KIFC3: variants seen among roughly 807,000 people sequenced by gnomAD.
KIFC3 encodes the protein kinesin-like protein KIFC3.
In KIFC3, 60 loss-of-function variants were observed where a neutral mutation model predicts 101.8. The observed-to-expected ratio is 0.59, with a 90% CI of 0.48 to 0.73. The LOEUF is 0.73. Among genes scored for constraint, KIFC3 ranks in the 30% least tolerant of loss-of-function variants. The pLI is 0.00. For synonymous variants in KIFC3, 476 were observed against 482.7 expected (o/e 0.99, Z 0.18); for missense variants, 966 against 1,137.1 (o/e 0.85, Z 2.16).
At chr16:57,813,619 G>A (rs1555628175) in intron 1 of KIFC3, 6 of 920,296 alleles carry the variant, frequency 6.5e-6, no homozygotes, top group African/African-American at 1.8e-5. Context: ...CATGCCTGCC[G>A]AGTGCCTGCA....
chr16:57,856,047 A>G (rs2056158994), intron 1 of KIFC3, among the ~76,000 whole-genome samples: 1 of 151,916 alleles, frequency 6.6e-6, no homozygotes, highest in African/African-American at 2.4e-5. Flanking sequence ...ATAAGGCTGG[A>G]CGCAGGGGGC....
chr16:57,813,402 C>T (rs971811253), intron 1 of KIFC3, among the ~76,000 whole-genome samples: 1 of 152,004 alleles, frequency 6.6e-6, no homozygotes, highest in Admixed American at 6.6e-5. Context: ...GCCAGAGGAT[C>T]TTGGAGGCAC....
rs534175830 is a variant in KIFC3 at position 57,775,935 on chromosome 16, C to T, written c.316-3647G>A. 3.0e-6 allele frequency: 3 copies of T among 985,572 alleles called. No homozygotes were observed. The East Asian group carries it at 3.4e-4, about 112-fold the overall frequency. The allele number at this position is 985,572 out of a possible 1,614,324, so 61.1% of individuals were successfully genotyped here. A position where few individuals can be genotyped will look rare whatever the true frequency, so the allele number is the denominator to read the frequency against. ...CACGGGCCTGCTGCAGGGGGCGTCA[C>T]CCTGCCTGCTCAAGGGGAAGAGGGA... On this transcript the variant is annotated intron_variant, in intron 3 of 19. Transcript: ENST00000445690.
At chr16:57,759,266 ATCTGGGCTAAACAG>A in intron 18 of KIFC3, 113 bp from the exon 19 acceptor site, 2 of 1,289,522 alleles carry the variant, frequency 1.6e-6, no homozygotes, top group Non-Finnish European at 2.2e-6. Flanking sequence ...CCCTCCCATG[ATCTGGGCTAAACAG>A]GGGCTGGAGC....
intron 6 of KIFC3, 119 bp downstream of exon 6, chr16:57,771,079 G>A: frequency 7.7e-7 from 1 of 1,303,058 alleles, no homozygotes; most frequent in Non-Finnish European, 1.1e-6. Flanking sequence ...GAACTGGAAT[G>A]ATTCTTCCAC....
intron 1 of KIFC3, among the ~76,000 whole-genome samples, chr16:57,844,033 G>A (rs564532967): frequency 2.2e-4 from 34 of 151,886 alleles, no homozygotes; most frequent in African/African-American, 8.0e-4. Flanking sequence ...GCTTGAACTT[G>A]AGAGATGAAG....
intron 1 of KIFC3, among the ~76,000 whole-genome samples, chr16:57,840,598 T>C (rs2055784423): frequency 6.6e-6 from 1 of 151,476 alleles, no homozygotes; most frequent in Non-Finnish European, 1.5e-5. Context: ...CCGTCTCTAC[T>C]AAAAATACAA....
At chr16:57,804,275 G>T (rs540737608), upstream of KIFC3, among the ~76,000 whole-genome samples, 1 of 151,940 alleles carries the variant, frequency 6.6e-6, no homozygotes, top group Non-Finnish European at 1.5e-5. Flanking sequence ...AGCTAACACT[G>T]TGTCAGGCAC....
intron 3 of KIFC3, among the ~76,000 whole-genome samples, chr16:57,786,450 T>C (rs1217583670): frequency 2.0e-5 from 3 of 152,026 alleles, no homozygotes; most frequent in African/African-American, 4.8e-5. Context: ...TACAGCTTGC[T>C]TCCAGGGCGC....
At chr16:57,827,344 A>G (rs1276659572) in intron 1 of KIFC3, among the ~76,000 whole-genome samples, 2 of 152,210 alleles carry the variant, frequency 1.3e-5, no homozygotes, top group African/African-American at 4.8e-5. Flanking sequence ...CCGGCTGCAG[A>G]GACGTGGTGA....
intron 1 of KIFC3, among the ~76,000 whole-genome samples, chr16:57,830,236 C>CTTTTTTTT (rs34842791): frequency 8.4e-6 from 1 of 119,316 alleles, no homozygotes; most frequent in Non-Finnish European, 1.8e-5. Context: ...TTTTTTCTTT[C>CTTTTTTTT]TTTTTTTTTT....
chr16:57,825,379 T>G (rs2055437247), intron 1 of KIFC3, among the ~76,000 whole-genome samples: 1 of 152,180 alleles, frequency 6.6e-6, no homozygotes, highest in South Asian at 2.1e-4. Context: ...GACTTTCGGC[T>G]CCATTCATGA....
chr16:57,804,927 C>T (rs1336856876), upstream of KIFC3, among the ~76,000 whole-genome samples: 4 of 143,558 alleles, frequency 2.8e-5, no homozygotes, highest in Admixed American at 7.0e-5. Context: ...TTTTTTGAGA[C>T]GGGGGCTCGC....
intron 3 of KIFC3, among the ~76,000 whole-genome samples, chr16:57,784,203 G>A (rs1041359580): frequency 2.6e-5 from 4 of 152,232 alleles, no homozygotes; most frequent in Non-Finnish European, 5.9e-5. Context: ...GTACAAAAGG[G>A]GCGTGCACAA....
rs1037446556 is a variant in KIFC3, at chr16:57,798,160, G to A, written c.84C>T (p.Pro28=). The change falls in exon 2 of 20, where the codon CCC becomes CCT. Residue 28 remains proline, a synonymous_variant. Coordinates refer to ENST00000445690, the MANE Select transcript of KIFC3 (RefSeq NM_001130100.2). ...GLWRVGRAPE[P]EPGMARPAPA... ...GGGCGGGGCGAGCCATCCCCGGCTC[G>A]GGCTCCGGGGCCCGGCCCACTCTCC... 3.9e-6 allele frequency: 6 copies of A among 1,541,878 alleles called. No homozygotes were observed. The highest frequency in any genetic ancestry group is 2.7e-5 in the African/African-American group (2 of 72,766).
chr16:57,798,345 C>T, intron 1 of KIFC3, 63 bp from the exon 2 acceptor site: 1 of 1,428,330 alleles, frequency 7.0e-7, no homozygotes, highest in South Asian at 1.2e-5. Context: ...GCACCTCGGG[C>T]AGAGCCAGCC....
In KIFC3 at chr16:57,772,209, C is replaced by T. The variant is rs369070342; in HGVS notation, c.381+14G>A. On this transcript the variant is annotated intron_variant, in intron 4 of 19. Transcript: ENST00000445690. Reference sequence around the variant, plus strand: ...CAGGCCCTGCGCTACCCCAGGACAGCCTTGTGGCCTCACCAGCTCAGATCG... The same window carrying T: ...CAGGCCCTGCGCTACCCCAGGACAGTCTTGTGGCCTCACCAGCTCAGATCG... The T allele has an allele frequency of 6.2e-6, 10 of 1,611,992 alleles. No individual in the cohort carries two copies. Among genetic ancestry groups the T allele is most frequent in the Non-Finnish European group, 6.8e-6 (8 of 1,179,210 alleles).
At position 57,825,402 on chromosome 16, in the gene KIFC3, G is replaced by A. The variant is rs782639575; in HGVS notation, c.109-27120C>T. Among the ~76,000 whole-genome samples, 142 of 152,350 alleles carry A rather than the reference G, an allele frequency of 9.3e-4. 1 individual carries two copies. Among genetic ancestry groups the A allele is most frequent in the Middle Eastern group, 3.4e-3 (1 of 294 alleles). ...GCTCCATTCATGAAAGCATAGATACGTGTGATTATAACAAGGATATGAGCT... is the reference window on the plus strand; with the variant it reads ...GCTCCATTCATGAAAGCATAGATACATGTGATTATAACAAGGATATGAGCT... On this transcript the variant is annotated intron_variant, in intron 1 of 2. Coordinates refer to the KIFC3 transcript ENST00000563028.
At chr16:57,774,873 C>G (rs2051830582) in intron 3 of KIFC3, 1 of 1,390,492 alleles carries the variant, frequency 7.2e-7, no homozygotes, top group African/African-American at 1.5e-5. Flanking sequence ...CTCTCCCTAC[C>G]CTGACATAAG....
Sources: allele counts gnomAD v4.1 joint callset (sites outside exome capture counted in the v4.1 genomes callset), GRCh38; gene constraint gnomAD v4.1.1; transcripts MANE v1.5; gene names NCBI Gene and HGNC (gene_info 2026-07-23, HGNC 2026-07-21).